KIAA1755: variants seen among roughly 807,000 people sequenced by gnomAD.
The protein encoded by KIAA1755 is uncharacterized protein KIAA1755.
In KIAA1755, 68 loss-of-function variants were observed where a neutral mutation model predicts 91.7. That is an observed-to-expected ratio of 0.74 (90% CI 0.61 to 0.91). The LOEUF is 0.91. Among genes scored for constraint, KIAA1755 ranks in the 40% least tolerant of loss-of-function variants. The pLI, the probability that KIAA1755 is intolerant of heterozygous loss-of-function variation, is 0.00. For synonymous variants in KIAA1755, 610 were observed against 604.6 expected (o/e 1.01, Z -0.13); for missense variants, 1,535 against 1,494.4 (o/e 1.03, Z -0.45).
At chr20:38,235,042 CA>C (rs1555824197) in intron 4 of KIAA1755, among the ~76,000 whole-genome samples, 10 of 152,236 alleles carry the variant, frequency 6.6e-5, no homozygotes, top group Non-Finnish European at 1.3e-4. Context: ...CATCTGCCAG[CA>C]GCATGAAGAG....
chr20:38,239,607 C>T lies in KIAA1755; in HGVS notation c.1668G>A (p.Glu556=), dbSNP rs2076017531. The change falls in exon 4 of 14, where the codon GAG becomes GAA. Residue 556 remains glutamate, a synonymous_variant. Coordinates refer to ENST00000279024, the MANE Select transcript of KIAA1755 (RefSeq NM_001029864.2). ...TGGGCTCAGGCCCTGGGGGCTCCTCCTCCAGGGTGGGGCCTCTTTCTGGGG... is the reference window on the plus strand; with the variant it reads ...TGGGCTCAGGCCCTGGGGGCTCCTCTTCCAGGGTGGGGCCTCTTTCTGGGG... ...AGSPERGPTL[E]EEPPGPEPRI... 6.2e-7 allele frequency: 1 copy of T among 1,606,644 alleles called. No individual in the cohort carries two copies. The highest frequency in any genetic ancestry group is 8.5e-7 in the Non-Finnish European group (1 of 1,177,516).
intron 1 of KIAA1755, among the ~76,000 whole-genome samples, chr20:38,251,281 T>G (rs2076245785): frequency 6.6e-6 from 1 of 152,200 alleles, no homozygotes; most frequent in Admixed American, 6.5e-5. Flanking sequence ...GTCTTTCTCC[T>G]TAGGTCTGGA....
chr20:38,244,017 G>A (rs1362071920), intron 2 of KIAA1755, among the ~76,000 whole-genome samples: 1 of 152,162 alleles, frequency 6.6e-6, no homozygotes, highest in Non-Finnish European at 1.5e-5. Flanking sequence ...TGGGGCATCT[G>A]AACCCAGAAG....
In KIAA1755 at chr20:38,217,270, G is replaced by C. The variant is rs757498360; in HGVS notation, c.2884C>G (p.His962Asp). Residue 962 changes from histidine to aspartate, a missense_variant, in exon 13 of 14, where the codon CAC (histidine) becomes GAC (aspartate). His to Asp is a moderately conservative substitution (Grantham distance 81). Transcript: ENST00000279024. ...RTDLETLLHL[H>D]RFCKRMTWFH... ...GGGCTCACCCTCTTGCAGAAGCGGT[G>C]CAGGTGGAGCAGCGTCTCGAGGTCC... 2.5e-6 allele frequency: 4 copies of C among 1,602,400 alleles called. No individual in the cohort carries two copies. The South Asian group carries it at 4.5e-5, about 18-fold the overall frequency.
chr20:38,258,188 AC>A lies in KIAA1755; in HGVS notation c.3+2309del, dbSNP rs555218122. Among the ~76,000 whole-genome samples the A allele has an allele frequency of 2.4e-3, 362 of 152,330 alleles. 1 individual carries two copies. The highest frequency in any genetic ancestry group is 8.2e-3 in the African/African-American group (340 of 41,572). On this transcript the variant is annotated intron_variant, in intron 1 of 13. Transcript: ENST00000279024. ...AGTGCTGAGATTACAGGCGTGAGCC[AC>A]TGCGCCCGGCTTAGTTACTTTCTAT...
In KIAA1755 at chr20:38,241,812, G is replaced by C. The variant is rs373742407; in HGVS notation, c.319C>G (p.Leu107Val). 2.5e-6 allele frequency: 4 copies of C among 1,614,192 alleles called. No homozygotes were observed. Among genetic ancestry groups the C allele is most frequent in the Non-Finnish European group, 3.4e-6 (4 of 1,180,024 alleles). Residue 107 changes from leucine (L) to valine (V), a missense_variant, in exon 3 of 14, where the codon CTC (leucine) becomes GTC (valine). Transcript: ENST00000279024. Reference protein sequence around the residue: ...PLLLRQGDFYLQVEPQEEQSV... With the variant: ...PLLLRQGDFYVQVEPQEEQSV... ...TGCTCCTCCTGGGGCTCCACTTGGA[G>C]GTAGAAGTCACCCTGGCGCAATAAG...
Position 38,213,510 on chromosome 20 carries a change from C to A in KIAA1755, c.3135G>T (p.Arg1045=), listed in dbSNP as rs749255414. 2 of 1,610,450 alleles carry A rather than the reference C, an allele frequency of 1.2e-6. No homozygotes were observed. Among genetic ancestry groups the A allele is most frequent in the South Asian group, 2.2e-5 (2 of 90,328 alleles). ...EEARIRHEEI[R]MLLEKALTHS... is the part of the protein sequence containing the mutation. ...GGGTCAGTGCCTTCTCCAGGAGCAT[C>A]CGGATCTCCTCATGCCTGATCCGGG... is the stretch of plus-strand genomic sequence containing the variant. The change falls in exon 14 of 14, where the codon CGG becomes CGT. Residue 1045 remains arginine (R), a synonymous_variant. Transcript: ENST00000279024.
intron 1 of KIAA1755, among the ~76,000 whole-genome samples, chr20:38,246,963 C>T (rs898895535): frequency 5.9e-5 from 9 of 152,322 alleles, no homozygotes; most frequent in African/African-American, 9.6e-5. Context: ...AGGTGCTCCG[C>T]GCTGTCCCCT....
intron 12 of KIAA1755, 194 bp downstream of exon 12, chr20:38,218,050 G>C (rs144539720): frequency 2.0e-4 from 133 of 666,810 alleles, no homozygotes; most frequent in African/African-American, 1.8e-3. Context: ...ATATTCTTTG[G>C]GCTTGGCCAT....
rs1170722422 is a variant in KIAA1755, at chr20:38,240,728, G to A, written c.1403C>T (p.Thr468Ile). The A allele has an allele frequency of 7.0e-6, 11 of 1,572,748 alleles. No homozygotes were observed. The highest frequency in any genetic ancestry group is 1.7e-6 in the Non-Finnish European group (2 of 1,160,068). Reference protein sequence around the residue: ...SRNTSSPEPPTPGLKFSFLRG... With the variant: ...SRNTSSPEPPIPGLKFSFLRG... Reference sequence around the variant, plus strand: ...CAAGAATGAGAATTTGAGCCCAGGAGTGGGGGGCTCAGGGGAGGAGGTGTT... The same window carrying A: ...CAAGAATGAGAATTTGAGCCCAGGAATGGGGGGCTCAGGGGAGGAGGTGTT... Residue 468 changes from threonine (T) to isoleucine (I), a missense_variant, in exon 3 of 14, where the codon ACT (threonine) becomes ATT (isoleucine). By Grantham distance (89) the Thr-to-Ile change is moderately conservative (BLOSUM62 -1). Coordinates refer to ENST00000279024, the MANE Select transcript of KIAA1755 (RefSeq NM_001029864.2).
chr20:38,243,200 G>C (rs1403040407), intron 2 of KIAA1755, among the ~76,000 whole-genome samples: 1 of 152,252 alleles, frequency 6.6e-6, no homozygotes, highest in Non-Finnish European at 1.5e-5. Flanking sequence ...GATGTACAGA[G>C]AGTGAGACTG....
At chr20:38,232,955 T>C (rs1005923637) in intron 4 of KIAA1755, among the ~76,000 whole-genome samples, 1 of 151,908 alleles carries the variant, frequency 6.6e-6, no homozygotes, top group Non-Finnish European at 1.5e-5. Context: ...TTGTCTTTAC[T>C]AAAAATTAAA....
Position 38,256,989 on chromosome 20 carries a change from T to C in KIAA1755, c.3+3509A>G, listed in dbSNP as rs566544733. On this transcript the variant is annotated intron_variant, in intron 1 of 13. Transcript: ENST00000279024. ...AAAGTGCTGCCTGGACACACATCTG[T>C]GTCTCTGCTTCCACTGCCCCACTCC... Among the ~76,000 whole-genome samples, 8 of 152,276 alleles carry C rather than the reference T, an allele frequency of 5.3e-5. No homozygotes were observed. The East Asian group carries it at 1.5e-3, about 29-fold the overall frequency.
intron 1 of KIAA1755, chr20:38,260,131 C>A: frequency 8.4e-7 from 1 of 1,184,322 alleles, no homozygotes; most frequent in Non-Finnish European, 1.1e-6. Context: ...AAACTCCCTG[C>A]CGGGACAATG....
chr20:38,222,685 C>T (rs1182649979), intron 9 of KIAA1755, 88 bp from the exon 10 acceptor site: 3 of 1,425,464 alleles, frequency 2.1e-6, no homozygotes, highest in African/African-American at 2.8e-5. Context: ...TCAAGTCCAA[C>T]TCCCAGTTTG....
At chr20:38,222,225 C>T (rs576910102) in intron 10 of KIAA1755, among the ~76,000 whole-genome samples, 1 of 152,332 alleles carries the variant, frequency 6.6e-6, no homozygotes, top group Non-Finnish European at 1.5e-5. Flanking sequence ...CTCAAGATGG[C>T]TGGGGCTGAA....
At chr20:38,246,460 G>A (rs1433639302) in intron 1 of KIAA1755, among the ~76,000 whole-genome samples, 2 of 143,460 alleles carry the variant, frequency 1.4e-5, no homozygotes, top group Non-Finnish European at 3.1e-5. Context: ...ATAGGGGTGG[G>A]GGGTGGGCAT....
At chr20:38,253,085 T>A (rs2076280317) in intron 1 of KIAA1755, among the ~76,000 whole-genome samples, 1 of 145,532 alleles carries the variant, frequency 6.9e-6, no homozygotes, top group Non-Finnish European at 1.5e-5. Flanking sequence ...GGAGCCAGGC[T>A]GTTCCCAGGC....
rs146614552 is a variant in KIAA1755, at chr20:38,251,723, G to A, written c.4-5597C>T. On this transcript the variant is annotated intron_variant, in intron 1 of 13. Coordinates refer to ENST00000279024, the MANE Select transcript of KIAA1755 (RefSeq NM_001029864.2). ...TGGGATTATAGGCACCCACCACCGC[G>A]CCCAGCTAATTTTTGTAGTTTTAGT... Among the ~76,000 whole-genome samples, 45 of 151,960 alleles carry A rather than the reference G, an allele frequency of 3.0e-4. No individual in the cohort carries two copies. In the East Asian group the frequency reaches 5.0e-3, roughly 17 times the overall value.
Sources: gnomAD v4.1 joint callset for allele counts (sites outside exome capture counted in the v4.1 genomes callset) on GRCh38, gnomAD v4.1.1 for gene constraint, MANE v1.5 for transcripts, NCBI Gene and HGNC (gene_info 2026-07-23, HGNC 2026-07-21) for gene names.